The following CSGALNACT1 variants were observed in gnomAD, a reference collection of about 807,000 sequenced individuals.
The protein encoded by CSGALNACT1 is beta4GalNAcT-1.
Under a neutral mutation model 51.0 loss-of-function variants are expected in CSGALNACT1, and 52 were observed. The ratio of observed to expected loss-of-function variants is 1.02; its 90% CI spans 0.82 to 1.29. The LOEUF (loss-of-function observed/expected upper bound fraction) is 1.29, where lower values mean the gene tolerates loss of function less well. CSGALNACT1 is among the 50% of genes most tolerant of loss of function. The probability of loss-of-function intolerance (pLI) is 0.00; values close to 1 mark genes in which losing one functional copy is unlikely to be tolerated. For missense variants in CSGALNACT1, 935 were observed against 679.2 expected, an observed-to-expected ratio of 1.38 and a Z score of -4.19; for synonymous variants, 341 against 254.4, an observed-to-expected ratio of 1.34 and a Z score of -3.24.
chr8:19,440,874 A>G (rs1444864895), intron 5 of CSGALNACT1, among the ~76,000 whole-genome samples: 2 of 152,336 alleles, frequency 1.3e-5, no homozygotes, highest in African/African-American at 2.4e-5. Flanking sequence ...GCAAAGTCTC[A>G]GGATATAAAA....
chr8:19,458,633 C>G, exon 5 of CSGALNACT1: 2 of 1,613,966 alleles, frequency 1.2e-6, no homozygotes, highest in Non-Finnish European at 1.7e-6. Context: ...CCTTTCTGTT[C>G]GGTAGATCCC....
chr8:19,709,443 G>C (rs1416272018), intron 1 of CSGALNACT1, among the ~76,000 whole-genome samples: 1 of 152,202 alleles, frequency 6.6e-6, no homozygotes, highest in Non-Finnish European at 1.5e-5. Context: ...GGGCTAGCAA[G>C]GAAATAAGTA....
intron 3 of CSGALNACT1, among the ~76,000 whole-genome samples, chr8:19,531,472 G>C (rs1020853304): frequency 2.0e-5 from 3 of 152,192 alleles, no homozygotes; most frequent in Admixed American, 6.5e-5. Flanking sequence ...ATTTATTTAA[G>C]TTCCCTTATT....
rs138969681 is a variant in CSGALNACT1 at position 19,718,950 on chromosome 8, C to T, written c.-297+38900G>A. The stretch of plus-strand genomic sequence containing the variant: ...GCTATTAACATACGCCCTGCAAGAT[C>T]TCTCACCGTTGTAAAGAGTTAAGCT... On this transcript the variant is annotated intron_variant, in intron 1 of 1. Transcript: ENST00000517494. Among the ~76,000 whole-genome samples the T allele has an allele frequency of 2.8e-3, 423 of 152,306 alleles. 2 individuals carry two copies. The highest frequency in any genetic ancestry group is 6.6e-3 in the South Asian group (32 of 4,830).
intron 4 of CSGALNACT1, among the ~76,000 whole-genome samples, chr8:19,472,944 T>C (rs1015155733): frequency 2.6e-5 from 4 of 152,226 alleles, no homozygotes; most frequent in African/African-American, 9.6e-5. Flanking sequence ...AAGTACTCAG[T>C]GATGTTAGAA....
intron 4 of CSGALNACT1, among the ~76,000 whole-genome samples, chr8:19,489,426 C>A (rs2073862719): frequency 6.6e-6 from 1 of 152,192 alleles, no homozygotes; most frequent in Admixed American, 6.5e-5. Flanking sequence ...CCAGAGCCAT[C>A]CTTTCCTCTG....
chr8:19,618,653 A>AAAAGAAAGAAAG (rs71545557), intron 1 of CSGALNACT1, among the ~76,000 whole-genome samples: 5 of 91,402 alleles, frequency 5.5e-5, no homozygotes, highest in African/African-American at 2.9e-4. Context: ...AAAAAAAAAA[A>AAAAGAAAGAAAG]AAAGAAAGAA....
chr8:19,666,581 G>A (rs996873300), intron 1 of CSGALNACT1, among the ~76,000 whole-genome samples: 2 of 151,362 alleles, frequency 1.3e-5, no homozygotes, highest in Non-Finnish European at 2.9e-5. Flanking sequence ...TGTAATCCCA[G>A]CTACTCAGGA....
intron 1 of CSGALNACT1, among the ~76,000 whole-genome samples, chr8:19,752,184 A>T (rs952510428): frequency 6.7e-6 from 1 of 148,338 alleles, no homozygotes; most frequent in Non-Finnish European, 1.5e-5. Context: ...TTCATATCTT[A>T]TATAATATAT....
chr8:19,405,831 T>C lies in CSGALNACT1; in HGVS notation c.1548A>G (p.Ile516Met), dbSNP rs986904054. 3.3e-5 allele frequency: 53 copies of C among 1,614,096 alleles called. No homozygotes were observed. Among genetic ancestry groups the C allele is most frequent in the Admixed American group, 6.7e-5 (4 of 60,000 alleles). Residue 516 changes from isoleucine to methionine, a missense_variant, in exon 10 of 10, where the codon ATA becomes ATG. Transcript: ENST00000454498. ...GTTTCTGTTTGCGAAGGTGAGCCTC[T>C]ATCTCGTGCCTGAACACCAGCATGC...
chr8:19,523,516 C>A (rs1261853473), intron 3 of CSGALNACT1, among the ~76,000 whole-genome samples: 1 of 152,056 alleles, frequency 6.6e-6, no homozygotes, highest in Non-Finnish European at 1.5e-5. Context: ...GCGATCCACC[C>A]ACCTTGGCCT....
intron 4 of CSGALNACT1, among the ~76,000 whole-genome samples, chr8:19,495,855 T>C (rs1376515770): frequency 6.6e-6 from 1 of 152,044 alleles, no homozygotes; most frequent in East Asian, 1.9e-4. Context: ...GGAAGGGAAA[T>C]ATAGGGAAAA....
intron 1 of CSGALNACT1, among the ~76,000 whole-genome samples, chr8:19,629,866 A>C (rs2054972884): frequency 6.6e-6 from 1 of 152,252 alleles, no homozygotes; most frequent in Non-Finnish European, 1.5e-5. Context: ...TGAATTAGAA[A>C]AAATGACAGA....
intron 3 of CSGALNACT1, among the ~76,000 whole-genome samples, chr8:19,557,671 T>G (rs1051092357): frequency 2.0e-5 from 3 of 152,218 alleles, no homozygotes; most frequent in African/African-American, 2.4e-5. Context: ...ACTAACTTCC[T>G]CTTGACCATT....
rs150209035 is a variant in CSGALNACT1 at position 19,730,569 on chromosome 8, C to T, written c.-297+27281G>A. Among the ~76,000 whole-genome samples the T allele has an allele frequency of 1.6e-4, 24 of 152,202 alleles. No individual in the cohort carries two copies. In the East Asian group the frequency reaches 4.1e-3, roughly 26 times the overall value. ...AAAAAAGTATGTAAGGTGAACCCAC[C>T]GGAAGGAATAACTAGGCCATCATTC... On this transcript the variant is annotated intron_variant, in intron 1 of 1. Transcript: ENST00000517494.
At chr8:19,713,060 T>G (rs959780550) in intron 1 of CSGALNACT1, among the ~76,000 whole-genome samples, 9 of 152,176 alleles carry the variant, frequency 5.9e-5, no homozygotes, top group African/African-American at 2.2e-4. Flanking sequence ...TCTCACCTCT[T>G]TCAGAAAACA....
At chr8:19,577,698 G>T (rs562662865) in intron 3 of CSGALNACT1, among the ~76,000 whole-genome samples, 2 of 152,150 alleles carry the variant, frequency 1.3e-5, no homozygotes, top group East Asian at 3.9e-4. Context: ...CTCCCATTGG[G>T]TTTAAAATAA....
intron 4 of CSGALNACT1, among the ~76,000 whole-genome samples, chr8:19,481,117 A>T (rs767984013): frequency 3.3e-5 from 5 of 152,148 alleles, no homozygotes; most frequent in Non-Finnish European, 7.3e-5. Context: ...TTAGCTTTAC[A>T]ATGACCAGTT....
intron 1 of CSGALNACT1, among the ~76,000 whole-genome samples, chr8:19,613,161 G>A (rs2052533173): frequency 6.6e-6 from 1 of 151,962 alleles, no homozygotes; most frequent in Admixed American, 6.6e-5. Context: ...GGTGTACCAT[G>A]TCTATTTTTC....
Sources: gnomAD v4.1 joint callset for allele counts (sites outside exome capture counted in the v4.1 genomes callset) on GRCh38, gnomAD v4.1.1 for gene constraint, MANE v1.5 for transcripts, NCBI Gene and HGNC (gene_info 2026-07-23, HGNC 2026-07-21) for gene names.